NVL: variants seen among roughly 807,000 people sequenced by gnomAD.
NVL encodes nuclear valosin-containing protein-like.
In NVL, 84 loss-of-function variants were observed where a neutral mutation model predicts 110.2. The ratio of observed to expected loss-of-function variants is 0.76; its 90% CI spans 0.64 to 0.91. The LOEUF is 0.91. Ranked by LOEUF, NVL falls within the 40% of genes least tolerant of loss-of-function variation. The pLI is 0.00. For synonymous variants in NVL, 354 were observed against 361.1 expected, an observed-to-expected ratio of 0.98 and a Z score of 0.22; for missense variants, 882 against 1,035.9, an observed-to-expected ratio of 0.85 and a Z score of 2.04.
intron 18 of NVL, among the ~76,000 whole-genome samples, chr1:224,252,225 T>C (rs1197726209): frequency 6.6e-6 from 1 of 152,126 alleles, no homozygotes; most frequent in Non-Finnish European, 1.5e-5. Context: ...GACACCTCTT[T>C]CAGGAAGTTT....
intron 18 of NVL, among the ~76,000 whole-genome samples, chr1:224,255,171 A>G (rs990794996): frequency 6.7e-6 from 1 of 148,398 alleles, no homozygotes; most frequent in African/African-American, 2.5e-5. Flanking sequence ...GCCTGGCCCA[A>G]AATGGTGTAG....
At chr1:224,239,049 T>C (rs763972914) in intron 19 of NVL, among the ~76,000 whole-genome samples, 1 of 152,196 alleles carries the variant, frequency 6.6e-6, no homozygotes, top group Non-Finnish European at 1.5e-5. Context: ...TGAATTAGAC[T>C]TGGAGTGTTC....
Position 224,227,421 on chromosome 1 carries a change from T to C in NVL, c.*205A>G. 1 of 372,430 alleles carries C rather than the reference T, an allele frequency of 2.7e-6. No homozygotes were observed. The highest frequency in any genetic ancestry group is 4.1e-5 in the East Asian group (1 of 24,366). The allele number at this position is 372,430 out of a possible 1,614,324, so 23.1% of individuals were successfully genotyped here. ...GCAGTTTAAAAATTGTCCTTTTTCT[T>C]AAAGAGGAAGAAGGCATTTTCACAC... On this transcript the variant is annotated 3_prime_UTR_variant, in exon 23 of 23. Coordinates refer to ENST00000281701, the MANE Select transcript of NVL (RefSeq NM_002533.4).
At chr1:224,239,539 C>A (rs1326709808) in intron 19 of NVL, among the ~76,000 whole-genome samples, 1 of 152,196 alleles carries the variant, frequency 6.6e-6, no homozygotes, top group East Asian at 1.9e-4. Context: ...GTCACACTGT[C>A]ACATTAACTG....
At chr1:224,227,737 C>G in intron 22 of NVL, 67 bp from the exon 23 acceptor site, 1 of 1,479,004 alleles carries the variant, frequency 6.8e-7, no homozygotes, top group South Asian at 1.2e-5. Flanking sequence ...TGGTGCCCCC[C>G]AAAATTCACA....
At chr1:224,252,854 C>A (rs1662659018) in intron 18 of NVL, among the ~76,000 whole-genome samples, 1 of 152,192 alleles carries the variant, frequency 6.6e-6, no homozygotes, top group African/African-American at 2.4e-5. Flanking sequence ...TTCTCTCCTG[C>A]CCTTACCTGC....
At chr1:224,298,036 C>CA (rs1275028638) in intron 10 of NVL, among the ~76,000 whole-genome samples, 8,325 of 66,794 alleles carry the variant, frequency 0.12, 397 homozygotes, top group East Asian at 0.21. Context: ...TACTCCATCT[C>CA]AAAAAAAAAA....
At chr1:224,236,347 C>A (rs1253995119) in intron 20 of NVL, among the ~76,000 whole-genome samples, 159 bp downstream of exon 20, 1 of 152,220 alleles carries the variant, frequency 6.6e-6, no homozygotes, top group Non-Finnish European at 1.5e-5. Context: ...TGTGCAGTCT[C>A]TTCTCTAAGA....
chr1:224,299,567 A>G (rs1394188921), intron 10 of NVL, among the ~76,000 whole-genome samples: 1 of 152,214 alleles, frequency 6.6e-6, no homozygotes, highest in Non-Finnish European at 1.5e-5. Context: ...CTAACAACCT[A>G]AAGATGCCAT....
At chr1:224,257,158 T>C (rs1360772994) in intron 18 of NVL, 1 of 511,206 alleles carries the variant, frequency 2.0e-6, no homozygotes, top group Non-Finnish European at 4.0e-6. Context: ...ATATTTACAA[T>C]AAAAATGGCA....
At chr1:224,294,081 T>A (rs543077569) in intron 12 of NVL, among the ~76,000 whole-genome samples, 186 bp downstream of exon 12, 14 of 152,346 alleles carry the variant, frequency 9.2e-5, no homozygotes, top group African/African-American at 3.4e-4. Context: ...ATTACAGGCA[T>A]GAGCCACTGC....
At chr1:224,317,021 C>A (rs1670154307) in intron 4 of NVL, among the ~76,000 whole-genome samples, 1 of 151,680 alleles carries the variant, frequency 6.6e-6, no homozygotes, top group African/African-American at 2.4e-5. Context: ...TGACTGTAAT[C>A]CCAGCTACTT....
At chr1:224,328,628 C>T (rs1671382161) in intron 1 of NVL, among the ~76,000 whole-genome samples, 1 of 152,004 alleles carries the variant, frequency 6.6e-6, no homozygotes, top group Non-Finnish European at 1.5e-5. Context: ...GTAAGAAGTA[C>T]TTGGAATATA....
At chr1:224,237,786 C>A (rs926137145) in intron 19 of NVL, among the ~76,000 whole-genome samples, 5 of 142,412 alleles carry the variant, frequency 3.5e-5, no homozygotes, top group Non-Finnish European at 6.0e-5. Context: ...GATCTTGGCT[C>A]ACTGCAACCT....
At chr1:224,245,141 A>G (rs1661669980) in intron 19 of NVL, among the ~76,000 whole-genome samples, 1 of 152,272 alleles carries the variant, frequency 6.6e-6, no homozygotes, top group Non-Finnish European at 1.5e-5. Context: ...AGAAAATTGT[A>G]TATAAAACAA....
intron 9 of NVL, among the ~76,000 whole-genome samples, 163 bp from the exon 10 acceptor site, chr1:224,300,826 C>T (rs960382854): frequency 1.3e-5 from 2 of 152,000 alleles, no homozygotes; most frequent in Non-Finnish European, 2.9e-5. Context: ...TGGTTTTGGC[C>T]GGGCATGGTG....
intron 18 of NVL, among the ~76,000 whole-genome samples, chr1:224,252,104 G>C (rs10158063): frequency 0.94 from 142,826 of 152,152 alleles, 67,071 homozygotes; most frequent in Middle Eastern, 0.97. Flanking sequence ...TACACCAGAT[G>C]TCTTGCTGTT....
intron 9 of NVL, among the ~76,000 whole-genome samples, chr1:224,303,425 ACT>A (rs1173747316): frequency 3.4e-5 from 5 of 148,964 alleles, no homozygotes; most frequent in South Asian, 2.1e-4. Flanking sequence ...ACAGAGTGAG[ACT>A]CTGTCTCCAA....
chr1:224,271,639 A>G (rs1178005139), intron 17 of NVL, among the ~76,000 whole-genome samples: 1 of 151,960 alleles, frequency 6.6e-6, no homozygotes, highest in Non-Finnish European at 1.5e-5. Context: ...GGAGAATGGA[A>G]AGAAATTTAC....
Sources: allele counts gnomAD v4.1 joint callset (sites outside exome capture counted in the v4.1 genomes callset), GRCh38; gene constraint gnomAD v4.1.1; transcripts MANE v1.5; gene names NCBI Gene and HGNC (gene_info 2026-07-23, HGNC 2026-07-21).